Variants in NTNG2 observed in about 807,000 individuals in gnomAD.
NTNG2 encodes the protein netrin-G2.
NTNG2 carries 15 observed loss-of-function variants against 47.6 expected under a neutral mutation model. The observed-to-expected ratio is 0.32, with a 90% CI of 0.21 to 0.49. NTNG2 has a LOEUF of 0.49. Ranked by LOEUF, NTNG2 falls within the 20% of genes least tolerant of loss-of-function variation. The pLI, the probability that NTNG2 is intolerant of heterozygous loss-of-function variation, is 0.99. For missense variants in NTNG2, 578 were observed against 764.6 expected, an observed-to-expected ratio of 0.76 and a Z score of 2.88; for synonymous variants, 307 against 324.6, an observed-to-expected ratio of 0.95 and a Z score of 0.58.
At position 132,236,295 on chromosome 9, in the gene NTNG2, G is replaced by T. The variant is rs1841622500; in HGVS notation, c.1055-2809G>T. On this transcript the variant is annotated intron_variant, in intron 5 of 7. Transcript: ENST00000393229. This position sits in a 1 kb window ranked among gnomAD's most constrained non-coding sequence, Gnocchi z 4.3. ...GTGGAAAATGTGTGGGTTAAAGGAG[G>T]GAGGGCGGGGTCCTGGAAGACACTG... Among the ~76,000 whole-genome samples the T allele has an allele frequency of 6.6e-6, 1 of 152,228 alleles. No homozygotes were observed. Among genetic ancestry groups the T allele is most frequent in the African/African-American group, 2.4e-5 (1 of 41,454 alleles).
chr9:132,220,303 T>G (rs1840267745), intron 3 of NTNG2, among the ~76,000 whole-genome samples: 1 of 152,198 alleles, frequency 6.6e-6, no homozygotes, highest in African/African-American at 2.4e-5. Context: ...GTCTTTTCAC[T>G]TTCCTGACAG....
rs1841207102 is a variant in NTNG2 at position 132,231,363 on chromosome 9, G to A, written c.1054+768G>A. On this transcript the variant is annotated intron_variant, in intron 5 of 7. Coordinates refer to ENST00000393229, the MANE Select transcript of NTNG2 (RefSeq NM_032536.4). The surrounding 1 kb of genome is among the most constrained non-coding windows in gnomAD (Gnocchi z 4.1). Reference sequence around the variant, plus strand: ...AGGCAGCAGGAGAGGACTGGCCAATGTCAAAGAGCCAGCCGGGAGCAGACC... The same window carrying A: ...AGGCAGCAGGAGAGGACTGGCCAATATCAAAGAGCCAGCCGGGAGCAGACC... 3 of 455,836 alleles carry A rather than the reference G, an allele frequency of 6.6e-6. No individual in the cohort carries two copies. The highest frequency in any genetic ancestry group is 1.3e-5 in the Non-Finnish European group (3 of 226,626). The allele number at this position is 455,836 out of a possible 1,614,324, so 28.2% of individuals were successfully genotyped here. A position where few individuals can be genotyped will look rare whatever the true frequency, so the allele number is the denominator to read the frequency against.
chr9:132,200,206 G>T (rs1838637521), intron 3 of NTNG2, among the ~76,000 whole-genome samples: 1 of 152,194 alleles, frequency 6.6e-6, no homozygotes, highest in Admixed American at 6.5e-5. Context: ...GAGGGCTGGG[G>T]CGGGCTGAGG....
rs36005260 is a variant in NTNG2 at position 132,215,086 on chromosome 9, G to A, written c.858-11763G>A. Among the ~76,000 whole-genome samples, 3 of 148,722 alleles carry A rather than the reference G, an allele frequency of 2.0e-5. No individual in the cohort carries two copies. The highest frequency in any genetic ancestry group is 3.0e-5 in the Non-Finnish European group (2 of 67,158). On this transcript the variant is annotated intron_variant, in intron 3 of 7. Coordinates refer to ENST00000393229, the MANE Select transcript of NTNG2 (RefSeq NM_032536.4). This position sits in a 1 kb window ranked among gnomAD's most constrained non-coding sequence, Gnocchi z 4.2. ...ATTTTTTTGTAGAGATTGGGGGGGG[G>A]GGTCTCACTTTCTTGCCCAGGCTGG...
intron 2 of NTNG2, among the ~76,000 whole-genome samples, chr9:132,183,786 C>T (rs1402757623): frequency 6.6e-6 from 1 of 152,222 alleles, no homozygotes; most frequent in Non-Finnish European, 1.5e-5. Context: ...CTGGACCAGC[C>T]TCTCAAACCT....
chr9:132,166,659 AAAC>A lies in NTNG2; in HGVS notation c.-167_-165del, dbSNP rs750846495. The A allele has an allele frequency of 5.6e-5, 35 of 622,770 alleles. No homozygotes were observed. Among genetic ancestry groups the A allele is most frequent in the East Asian group, 5.5e-4 (20 of 36,604 alleles). 38.6% of individuals were successfully genotyped at this position (622,770 alleles called of 1,614,324 possible). ...TGAATTTTCCGTGTCGGCCTTTTGG[AAAC>A]AACAAGTTCCTCGCTGTTTGCAAAG... On this transcript the variant is annotated 5_prime_UTR_variant, in exon 2 of 8. Coordinates refer to ENST00000393229, the MANE Select transcript of NTNG2 (RefSeq NM_032536.4).
chr9:132,241,753 A>T, intron 7 of NTNG2, 123 bp from the exon 8 acceptor site: 1 of 659,566 alleles, frequency 1.5e-6, no homozygotes, highest in Non-Finnish European at 2.4e-6. Flanking sequence ...GCGCGCCTGG[A>T]GCCTCCTACA....
At position 132,236,403 on chromosome 9, in the gene NTNG2, C is replaced by T. The variant is rs990801016; in HGVS notation, c.1055-2701C>T. On this transcript the variant is annotated intron_variant, in intron 5 of 7. Transcript: ENST00000393229. The surrounding 1 kb of genome is among the most constrained non-coding windows in gnomAD (Gnocchi z 4.3). ...TGCCAAGGAAACGCGCAGGCCTGCCCGACTCTCCAGAAGGGAAATTGTCCC... is the reference window on the plus strand; with the variant it reads ...TGCCAAGGAAACGCGCAGGCCTGCCTGACTCTCCAGAAGGGAAATTGTCCC... Among the ~76,000 whole-genome samples, 15 of 152,188 alleles carry T rather than the reference C, an allele frequency of 9.9e-5. No individual in the cohort carries two copies. The highest frequency in any genetic ancestry group is 3.6e-4 in the African/African-American group (15 of 41,440).
intron 2 of NTNG2, among the ~76,000 whole-genome samples, chr9:132,177,356 C>G (rs1345471150): frequency 6.6e-6 from 1 of 152,162 alleles, no homozygotes; most frequent in Non-Finnish European, 1.5e-5. Context: ...GGTGTCATAT[C>G]TAAGAAACCA....
rs968412221 is a variant in NTNG2 at position 132,218,313 on chromosome 9, T to A, written c.858-8536T>A. Among the ~76,000 whole-genome samples the A allele has an allele frequency of 6.6e-6, 1 of 152,144 alleles. No individual in the cohort carries two copies. The highest frequency in any genetic ancestry group is 2.4e-5 in the African/African-American group (1 of 41,442). ...ACCACCCCAAGTCTCAGTTTCCCCA[T>A]CTGCACAACGAAGATAATAATGACA... On this transcript the variant is annotated intron_variant, in intron 3 of 7. Transcript: ENST00000393229. This position sits in a 1 kb window ranked among gnomAD's most constrained non-coding sequence, Gnocchi z 5.4.
At chr9:132,212,099 A>G (rs1417712054) in intron 3 of NTNG2, among the ~76,000 whole-genome samples, 4 of 151,936 alleles carry the variant, frequency 2.6e-5, no homozygotes, top group African/African-American at 9.7e-5. Context: ...GTCGCCTCCC[A>G]CCCTTCCACC....
chr9:132,194,241 T>C (rs926852702), intron 2 of NTNG2, among the ~76,000 whole-genome samples: 1 of 152,032 alleles, frequency 6.6e-6, no homozygotes. Flanking sequence ...AGAGCCCAGG[T>C]GCAAGTTCTT....
At chr9:132,188,783 G>C (rs1446294981) in intron 2 of NTNG2, among the ~76,000 whole-genome samples, 2 of 152,188 alleles carry the variant, frequency 1.3e-5, no homozygotes, top group Non-Finnish European at 2.9e-5. Flanking sequence ...TGTGAAGCCA[G>C]TGCTAGTAAC....
chr9:132,239,174 C>T lies in NTNG2; in HGVS notation c.1125C>T (p.Ser375=). 1 of 1,613,978 alleles carries T rather than the reference C, an allele frequency of 6.2e-7. No homozygotes were observed. Residue 375 remains serine, a synonymous_variant, in exon 6 of 8, where the codon AGC becomes AGT. Coordinates refer to ENST00000393229, the MANE Select transcript of NTNG2 (RefSeq NM_032536.4). The part of the protein sequence containing the change: ...IDFLNVVTCV[S]CKHNTRGQHC... ...TCCTGAATGTGGTGACCTGCGTCAGCTGCAAGCACAACACGCGAGGTCAGC... is the reference window on the plus strand; with the variant it reads ...TCCTGAATGTGGTGACCTGCGTCAGTTGCAAGCACAACACGCGAGGTCAGC...
intron 2 of NTNG2, among the ~76,000 whole-genome samples, chr9:132,168,755 C>T (rs1265397661): frequency 2.6e-5 from 4 of 152,156 alleles, no homozygotes; most frequent in East Asian, 1.9e-4. Flanking sequence ...CTCTCGGGCA[C>T]GGTCAACCTC....
chr9:132,238,948 T>C lies in NTNG2; in HGVS notation c.1055-156T>C, dbSNP rs753090375. On this transcript the variant is annotated intron_variant, in intron 5 of 7. Transcript: ENST00000393229. ...GAGGCCTCTCTCTTCCTGAATCCGA[T>C]GGAAGGGTGGGAGGCCTAGGGCACC... 6 of 734,614 alleles carry C rather than the reference T, an allele frequency of 8.2e-6. No homozygotes were observed. In the East Asian group the frequency reaches 1.1e-4, roughly 13 times the overall value. 45.5% of individuals were successfully genotyped at this position (734,614 alleles called of 1,614,324 possible). A position where few individuals can be genotyped will look rare whatever the true frequency, so the allele number is the denominator to read the frequency against.
chr9:132,168,090 T>C (rs1179975096), intron 2 of NTNG2, among the ~76,000 whole-genome samples: 1 of 152,222 alleles, frequency 6.6e-6, no homozygotes, highest in Admixed American at 6.5e-5. Flanking sequence ...ATTCTGGTCA[T>C]ACAGGTGGGG....
rs77177867 is a variant in NTNG2, at chr9:132,188,313, C to T, written c.214-9653C>T. ...AAGGGTTCCGTTGGCAAATCAGCAA[C>T]AGCAGTCAAGAGACGTGCCGCCTGC... is the stretch of plus-strand genomic sequence containing the variant. On this transcript the variant is annotated intron_variant, in intron 2 of 7. Transcript: ENST00000393229. Among the ~76,000 whole-genome samples, 1,113 of 152,376 alleles carry T rather than the reference C, an allele frequency of 7.3e-3. 20 individuals carry two copies. Among genetic ancestry groups the T allele is most frequent in the African/African-American group, 0.026 (1,071 of 41,586 alleles).
At chr9:132,216,414 CTGTGTGTGTGTGTATGTGTGTG>C (rs1423164535) in intron 3 of NTNG2, among the ~76,000 whole-genome samples, 35 of 110,326 alleles carry the variant, frequency 3.2e-4, no homozygotes, top group Middle Eastern at 4.9e-3. Context: ...CTCTCTCTCT[CTGTGTGTGTGTGTATGTGTGTG>C]TGTGTGTGTG....
Sources: allele counts gnomAD v4.1 joint callset (sites outside exome capture counted in the v4.1 genomes callset), GRCh38; gene constraint gnomAD v4.1.1; non-coding constraint Gnocchi (gnomAD v3.1); transcripts MANE v1.5; gene names NCBI Gene and HGNC (gene_info 2026-07-23, HGNC 2026-07-21).